Variants in SEC14L5 observed in about 807,000 individuals in gnomAD.
SEC14L5 encodes the protein SEC14-like protein 5.
A neutral mutation model predicts 84.6 loss-of-function variants in SEC14L5; 96 were observed. The ratio of observed to expected loss-of-function variants is 1.13; its 90% CI spans 0.96 to 1.34. SEC14L5 has a LOEUF of 1.34. Ranked by LOEUF, SEC14L5 falls within the 40% of genes most tolerant of loss-of-function variation. The pLI, the probability that SEC14L5 is intolerant of heterozygous loss-of-function variation, is 0.00. For missense variants in SEC14L5, 1,224 were observed against 942.5 expected, an observed-to-expected ratio of 1.30 and a Z score of -3.91; for synonymous variants, 546 against 383.4, an observed-to-expected ratio of 1.42 and a Z score of -4.95.
chr16:4,972,109 G>A (rs2142483342), intron 2 of SEC14L5, among the ~76,000 whole-genome samples: 1 of 151,780 alleles, frequency 6.6e-6, no homozygotes, highest in East Asian at 1.9e-4. Flanking sequence ...GGGTTCAAGC[G>A]ATTCTCCCAC....
chr16:4,990,805 G>C lies in SEC14L5; in HGVS notation c.384G>C (p.Gln128His). Residue 128 changes from glutamine to histidine, a missense_variant, in exon 5 of 16, where the codon CAG becomes CAC. Transcript: ENST00000251170. ...ATGAAGACTGGACTTGCTTCGAGCAGTCTGCCTCACTGGACATTCGGTCTT... is the reference window on the plus strand; with the variant it reads ...ATGAAGACTGGACTTGCTTCGAGCACTCTGCCTCACTGGACATTCGGTCTT... ...PENEDWTCFE[Q>H]SASLDIRSFF... 6.2e-7 allele frequency: 1 copy of C among 1,612,174 alleles called. No homozygotes were observed.
Position 4,987,497 on chromosome 16 carries a change from T to TGGAGG in SEC14L5, c.64-58_64-57insAGGGG, listed in dbSNP as rs59154516. The TGGAGG allele has an allele frequency of 3.9e-5, 45 of 1,142,484 alleles. No individual in the cohort carries two copies. The East Asian group carries it at 7.3e-4, about 19-fold the overall frequency. 70.8% of individuals were successfully genotyped at this position (1,142,484 alleles called of 1,614,324 possible). ...GACACAGCAGATAAGGAGGTCGCGC[T>TGGAGG]GGGGGGGGGGGTCCCTCTGCCCCCC... On this transcript the variant is annotated intron_variant, in intron 2 of 15. Coordinates refer to ENST00000251170, the MANE Select transcript of SEC14L5 (RefSeq NM_014692.2).
At chr16:4,966,817 C>G (rs1034389033) in intron 2 of SEC14L5, among the ~76,000 whole-genome samples, 1 of 152,200 alleles carries the variant, frequency 6.6e-6, no homozygotes, top group Non-Finnish European at 1.5e-5. Flanking sequence ...GAGCTGGCGT[C>G]TGGGCCAAGT....
intron 12 of SEC14L5, 85 bp from the exon 13 acceptor site, chr16:5,007,267 G>C: frequency 7.6e-7 from 1 of 1,321,756 alleles, no homozygotes; most frequent in Admixed American, 2.1e-5. Flanking sequence ...GAGTGGCTTT[G>C]GGGGTCACAC....
intron 11 of SEC14L5, among the ~76,000 whole-genome samples, chr16:5,003,836 C>T (rs866054932): frequency 9.2e-5 from 14 of 152,260 alleles, no homozygotes; most frequent in African/African-American, 3.1e-4. Flanking sequence ...TGCCCATTAT[C>T]GTGGGTCTCA....
At chr16:4,976,685 G>C (rs780705229) in intron 2 of SEC14L5, among the ~76,000 whole-genome samples, 3 of 152,182 alleles carry the variant, frequency 2.0e-5, no homozygotes, top group African/African-American at 4.8e-5. Context: ...CTTGGTCCCT[G>C]CCTGCCCCAC....
chr16:5,012,822 G>A (rs536075608), intron 15 of SEC14L5, among the ~76,000 whole-genome samples: 1 of 152,050 alleles, frequency 6.6e-6, no homozygotes, highest in East Asian at 1.9e-4. Flanking sequence ...TTGAACCCAG[G>A]AGGTGGAGAT....
Position 5,011,087 on chromosome 16 carries a change from T to C in SEC14L5, c.1801-8T>C. 1.9e-6 allele frequency: 3 copies of C among 1,591,514 alleles called. No individual in the cohort carries two copies. Among genetic ancestry groups the C allele is most frequent in the Non-Finnish European group, 2.6e-6 (3 of 1,169,352 alleles). On this transcript the variant is annotated splice_region_variant and splice_polypyrimidine_tract_variant and intron_variant, in intron 14 of 15. Transcript: ENST00000251170. ...GCAGGGCCTCAGGGCAGGGCTGATGTGTTTCAGGGCTCCCATGTGACCCGG... is the reference window on the plus strand; with the variant it reads ...GCAGGGCCTCAGGGCAGGGCTGATGCGTTTCAGGGCTCCCATGTGACCCGG...
intron 2 of SEC14L5, among the ~76,000 whole-genome samples, chr16:4,963,297 G>A (rs752364292): frequency 9.9e-5 from 15 of 151,952 alleles, no homozygotes; most frequent in East Asian, 3.8e-4. Context: ...CCCTTCCCAC[G>A]AATTTTGCTT....
At chr16:4,980,045 C>T (rs1000411454) in intron 2 of SEC14L5, among the ~76,000 whole-genome samples, 2 of 152,192 alleles carry the variant, frequency 1.3e-5, no homozygotes, top group African/African-American at 2.4e-5. Context: ...CAGGCTCATG[C>T]GCCAATCCCA....
chr16:4,987,521 C>T lies in SEC14L5; in HGVS notation c.64-36C>T, dbSNP rs772611581. 104 of 1,498,704 alleles carry T rather than the reference C, an allele frequency of 6.9e-5. 2 individuals are homozygous for T. In the South Asian group the frequency reaches 9.4e-4, roughly 14 times the overall value. 92.8% of individuals were successfully genotyped at this position (1,498,704 alleles called of 1,614,324 possible). A position where few individuals can be genotyped will look rare whatever the true frequency, so the allele number is the denominator to read the frequency against. On this transcript the variant is annotated intron_variant, in intron 2 of 15. Transcript: ENST00000251170. ...CTGGGGGGGGGGGTCCCTCTGCCCCCCCCACCACGGCCGCTCACTGCCGCT... is the reference window on the plus strand; with the variant it reads ...CTGGGGGGGGGGGTCCCTCTGCCCCTCCCACCACGGCCGCTCACTGCCGCT...
At chr16:4,978,623 G>C (rs1229871963) in intron 2 of SEC14L5, among the ~76,000 whole-genome samples, 1 of 148,502 alleles carries the variant, frequency 6.7e-6, no homozygotes, top group Non-Finnish European at 1.5e-5. Context: ...TTATTTTTGA[G>C]ATGGAGTCTC....
In SEC14L5 at chr16:5,007,355, A is replaced by T; in HGVS notation, c.1441A>T (p.Asn481Tyr). ...PDFLGGESVC[N>Y]VPEGGLVPKS... is the part of the protein sequence containing the mutation. ...GCCCTTTATCTCTGACCTGCAGTGT[A>T]ATGTCCCCGAAGGAGGGCTGGTCCC... The change falls in exon 13 of 16, where the codon AAT becomes TAT. Residue 481 changes from asparagine to tyrosine, a missense_variant. Asn to Tyr is a moderately radical substitution (Grantham distance 143). Coordinates refer to ENST00000251170, the MANE Select transcript of SEC14L5 (RefSeq NM_014692.2). 6.2e-7 allele frequency: 1 copy of T among 1,613,720 alleles called. No individual in the cohort carries two copies. The highest frequency in any genetic ancestry group is 8.5e-7 in the Non-Finnish European group (1 of 1,179,770).
intron 8 of SEC14L5, among the ~76,000 whole-genome samples, 168 bp downstream of exon 8, chr16:4,997,212 C>T (rs1223453407): frequency 6.6e-6 from 1 of 152,184 alleles, no homozygotes; most frequent in African/African-American, 2.4e-5. Flanking sequence ...AATTCTCCTG[C>T]CTCAGCCTCC....
chr16:5,003,611 G>C (rs777068150), intron 11 of SEC14L5, 38 bp downstream of exon 11: 1 of 1,054,702 alleles, frequency 9.5e-7, no homozygotes, highest in Admixed American at 2.4e-5. Flanking sequence ...CTCCCTGGGG[G>C]TGGGTGGGAT....
At chr16:4,962,117 A>G (rs1311714914) in intron 2 of SEC14L5, among the ~76,000 whole-genome samples, 1 of 149,860 alleles carries the variant, frequency 6.7e-6, no homozygotes, top group Non-Finnish European at 1.5e-5. Context: ...ACAGGACTGG[A>G]CACACAGTCC....
chr16:4,971,081 G>C (rs1302958578), intron 2 of SEC14L5, among the ~76,000 whole-genome samples: 2 of 147,736 alleles, frequency 1.4e-5, no homozygotes, highest in African/African-American at 5.0e-5. Context: ...CTCCAGCCTG[G>C]TGACAGAGCC....
chr16:4,974,598 G>A (rs543710077), intron 2 of SEC14L5, among the ~76,000 whole-genome samples: 1 of 109,598 alleles, frequency 9.1e-6, no homozygotes, highest in East Asian at 2.0e-4. Flanking sequence ...AGTTTTTGGG[G>A]TACAGCTTTT....
At chr16:4,984,822 T>G (rs796940105) in intron 2 of SEC14L5, among the ~76,000 whole-genome samples, 38 of 152,384 alleles carry the variant, frequency 2.5e-4, no homozygotes, top group African/African-American at 8.9e-4. Context: ...TTTGCTTTTT[T>G]GTGTTGGTAT....
Sources: allele counts gnomAD v4.1 joint callset (sites outside exome capture counted in the v4.1 genomes callset), GRCh38; gene constraint gnomAD v4.1.1; transcripts MANE v1.5; gene names NCBI Gene and HGNC (gene_info 2026-07-23, HGNC 2026-07-21).